PDE4D: variants seen among roughly 807,000 people sequenced by gnomAD.
PDE4D encodes phosphodiesterase 4D.
In PDE4D, 24 loss-of-function variants were observed where a neutral mutation model predicts 87.4. The ratio of observed to expected loss-of-function variants is 0.27; its 90% CI spans 0.20 to 0.39. The LOEUF (loss-of-function observed/expected upper bound fraction) is 0.39, where lower values mean the gene tolerates loss of function less well. Ranked by LOEUF, PDE4D falls within the 10% of genes least tolerant of loss-of-function variation. The pLI, the probability that PDE4D is intolerant of heterozygous loss-of-function variation, is 1.00. For missense variants in PDE4D, 714 were observed against 1,041.0 expected (o/e 0.69, Z 4.32); for synonymous variants, 384 against 383.2 (o/e 1.00, Z -0.02).
chr5:59,328,586 C>G (rs903995411), intron 1 of PDE4D, among the ~76,000 whole-genome samples: 1 of 152,176 alleles, frequency 6.6e-6, no homozygotes. Flanking sequence ...ATGGACTCTA[C>G]ACTTCAGAGG....
At chr5:59,664,102 T>C (rs904965932) in intron 1 of PDE4D, among the ~76,000 whole-genome samples, 6 of 152,206 alleles carry the variant, frequency 3.9e-5, no homozygotes, top group Non-Finnish European at 8.8e-5. Context: ...AGAGTTTTCA[T>C]GCTAATATCA....
intron 6 of PDE4D, among the ~76,000 whole-genome samples, chr5:59,009,579 AC>A (rs1561293829): frequency 1.3e-5 from 2 of 152,034 alleles, no homozygotes; most frequent in Non-Finnish European, 2.9e-5. Context: ...TCAGCACTGG[AC>A]GTGGGGTTTG....
At chr5:60,333,573 AC>A (rs1308544987) in intron 1 of PDE4D, among the ~76,000 whole-genome samples, 9 of 152,176 alleles carry the variant, frequency 5.9e-5, no homozygotes. Context: ...TCTGTGTCTG[AC>A]TAACTAATGT....
At chr5:59,336,609 C>T (rs1777698363) in intron 1 of PDE4D, among the ~76,000 whole-genome samples, 1 of 152,154 alleles carries the variant, frequency 6.6e-6, no homozygotes, top group Admixed American at 6.5e-5. Context: ...CTCACATGAC[C>T]TCTGTTCTCA....
chr5:59,703,169 T>A (rs983231937), intron 1 of PDE4D, among the ~76,000 whole-genome samples: 3 of 152,160 alleles, frequency 2.0e-5, no homozygotes, highest in Non-Finnish European at 4.4e-5. Flanking sequence ...AAAAAATAAC[T>A]TTAGAATAAT....
intron 1 of PDE4D, among the ~76,000 whole-genome samples, chr5:59,436,886 CCA>C (rs1046451191): frequency 1.2e-4 from 19 of 152,122 alleles, no homozygotes; most frequent in Non-Finnish European, 2.4e-4. Flanking sequence ...AAGGAGAAAA[CCA>C]CATGGACGGA....
chr5:59,356,180 T>C (rs1467324317), intron 1 of PDE4D, among the ~76,000 whole-genome samples: 2 of 152,232 alleles, frequency 1.3e-5, no homozygotes, highest in Non-Finnish European at 2.9e-5. Context: ...TTGGTTAAAA[T>C]AAGCTGATTT....
At chr5:59,217,397 TAG>T in intron 1 of PDE4D, 1 of 407,750 alleles carries the variant, frequency 2.5e-6, no homozygotes, top group South Asian at 1.9e-5. Context: ...CATTAATAAA[TAG>T]AGTTATGACT....
chr5:60,441,898 T>G (rs1215109035), intron 1 of PDE4D, among the ~76,000 whole-genome samples: 6 of 151,888 alleles, frequency 4.0e-5, no homozygotes, highest in African/African-American at 1.4e-4. Flanking sequence ...AGATACCATC[T>G]CATGCCAATT....
At chr5:59,562,886 A>G (rs1233413328) in intron 1 of PDE4D, among the ~76,000 whole-genome samples, 1 of 152,108 alleles carries the variant, frequency 6.6e-6, no homozygotes, top group East Asian at 1.9e-4. Context: ...TCAGGACAAC[A>G]GGGCATGTTA....
chr5:59,052,127 A>AG (rs1761644328), intron 5 of PDE4D, among the ~76,000 whole-genome samples: 1 of 152,206 alleles, frequency 6.6e-6, no homozygotes, highest in African/African-American at 2.4e-5. Flanking sequence ...GCTGCTGCCT[A>AG]GAGACAGTGT....
chr5:60,162,640 G>A (rs1200073172), intron 2 of PDE4D, among the ~76,000 whole-genome samples: 2 of 151,894 alleles, frequency 1.3e-5, no homozygotes, highest in African/African-American at 2.4e-5. Context: ...GCAATTCCTG[G>A]AGCCCTTCCC....
intron 1 of PDE4D, among the ~76,000 whole-genome samples, chr5:59,222,987 C>T (rs1752886994): frequency 6.6e-6 from 1 of 152,142 alleles, no homozygotes; most frequent in African/African-American, 2.4e-5. Context: ...CTAGGTCATT[C>T]TCTTTAACTT....
At chr5:59,259,518 C>T (rs1761588441) in intron 1 of PDE4D, among the ~76,000 whole-genome samples, 1 of 151,920 alleles carries the variant, frequency 6.6e-6, no homozygotes, top group Non-Finnish European at 1.5e-5. Flanking sequence ...TTAACTTTTA[C>T]ATGGAACAAA....
At chr5:58,976,938 G>C (rs141726152) in intron 12 of PDE4D, among the ~76,000 whole-genome samples, 9 of 152,226 alleles carry the variant, frequency 5.9e-5, no homozygotes, top group Non-Finnish European at 1.0e-4. Flanking sequence ...TTCTCTGCCC[G>C]CCACCAGACT....
At chr5:59,137,285 T>A (rs977083393) in intron 5 of PDE4D, among the ~76,000 whole-genome samples, 3 of 152,140 alleles carry the variant, frequency 2.0e-5, no homozygotes, top group African/African-American at 7.2e-5. Flanking sequence ...TTTTGGAGTT[T>A]ATGTAGGGTT....
intron 5 of PDE4D, among the ~76,000 whole-genome samples, chr5:59,106,903 T>C (rs1164454747): frequency 6.6e-6 from 1 of 152,258 alleles, no homozygotes; most frequent in East Asian, 1.9e-4. Context: ...GCAATTGTTG[T>C]TTTATGCTGG....
chr5:59,497,016 CACT>C (rs925927153), intron 1 of PDE4D, among the ~76,000 whole-genome samples: 3 of 152,146 alleles, frequency 2.0e-5, no homozygotes, highest in African/African-American at 7.2e-5. Context: ...AAAATTACAT[CACT>C]ACAAGAAGCA....
intron 1 of PDE4D, among the ~76,000 whole-genome samples, chr5:59,426,219 C>A (rs1442759449): frequency 6.6e-6 from 1 of 152,178 alleles, no homozygotes; most frequent in Non-Finnish European, 1.5e-5. Context: ...TGTGAGAAAA[C>A]AAATTTCTGC....
Sources: gnomAD v4.1 joint callset for allele counts (sites outside exome capture counted in the v4.1 genomes callset) on GRCh38, gnomAD v4.1.1 for gene constraint, MANE v1.5 for transcripts, NCBI Gene and HGNC (gene_info 2026-07-23, HGNC 2026-07-21) for gene names.